The following IDE variants were observed in gnomAD, a reference collection of about 807,000 sequenced individuals.
IDE encodes the protein insulin-degrading enzyme.
Under a neutral mutation model 133.2 loss-of-function variants are expected in IDE, and 58 were observed. That is an observed-to-expected ratio of 0.44 (90% CI 0.35 to 0.54). The LOEUF is 0.54. Among genes scored for constraint, IDE ranks in the 20% least tolerant of loss-of-function variants. The pLI, the probability that IDE is intolerant of heterozygous loss-of-function variation, is 0.00. For synonymous variants in IDE, 396 were observed against 421.3 expected (o/e 0.94, Z 0.73); for missense variants, 981 against 1,234.0 (o/e 0.79, Z 3.07).
In IDE at chr10:92,524,460, ATTT is replaced by A. The variant is rs1344576080; in HGVS notation, c.661+7285_661+7287del. ...ATATAATATATTTTATATATTATAT[ATTT>A]TATATAATATATAATATATATTATA... is the stretch of plus-strand genomic sequence containing the variant. On this transcript the variant is annotated intron_variant, in intron 4 of 24. Coordinates refer to ENST00000265986, the MANE Select transcript of IDE (RefSeq NM_004969.4). Among the ~76,000 whole-genome samples, 5 of 65,908 alleles carry A rather than the reference ATTT, an allele frequency of 7.6e-5. 1 individual carries two copies. The highest frequency in any genetic ancestry group is 3.5e-4 in the African/African-American group (5 of 14,320). The allele number at this position is 65,908 out of a possible 152,430, so 43.2% of individuals were successfully genotyped here. A position where few individuals can be genotyped will look rare whatever the true frequency, so the allele number is the denominator to read the frequency against.
At chr10:92,517,502 G>C (rs1201202391) in intron 4 of IDE, among the ~76,000 whole-genome samples, 2 of 152,092 alleles carry the variant, frequency 1.3e-5, no homozygotes, top group African/African-American at 2.4e-5. Flanking sequence ...CGATCTCCTG[G>C]GCTCAAGCAG....
chr10:92,548,326 T>C (rs1288023545), intron 1 of IDE, among the ~76,000 whole-genome samples: 1 of 116,120 alleles, frequency 8.6e-6, no homozygotes, highest in South Asian at 2.9e-4. Flanking sequence ...GCCACTGCAC[T>C]CCAACCTGGG....
chr10:92,530,098 C>T (rs1241345872), intron 4 of IDE, among the ~76,000 whole-genome samples: 2 of 151,878 alleles, frequency 1.3e-5, no homozygotes, highest in African/African-American at 2.4e-5. Context: ...TGGTGGCGGG[C>T]GCCTGTAATC....
rs568023259 is a variant in IDE at position 92,457,388 on chromosome 10, G to A, written c.2824-957C>T. ...ATGATGATTCTTACTTTAGAGGCAT[G>A]GACTCTAAGACACAGCAGCTTACAT... is the stretch of plus-strand genomic sequence containing the variant. On this transcript the variant is annotated intron_variant, in intron 22 of 24. Transcript: ENST00000265986. 2.8e-4 allele frequency among the ~76,000 whole-genome samples: 42 copies of A among 152,252 alleles called. No individual in the cohort carries two copies. In the South Asian group the frequency reaches 8.3e-3, roughly 30 times the overall value.
intron 1 of IDE, among the ~76,000 whole-genome samples, chr10:92,565,951 T>C (rs563121822): frequency 3.9e-5 from 6 of 152,088 alleles, no homozygotes; most frequent in Admixed American, 3.9e-4. Flanking sequence ...TTACTAGCTG[T>C]GTATCCTTGA....
At chr10:92,540,010 G>C (rs1445114639) in intron 1 of IDE, among the ~76,000 whole-genome samples, 2 of 152,168 alleles carry the variant, frequency 1.3e-5, no homozygotes, top group African/African-American at 2.4e-5. Context: ...GGGAGACTGA[G>C]GCGGGCAGAT....
intron 15 of IDE, 62 bp from the exon 16 acceptor site, chr10:92,476,056 C>T (rs988700384): frequency 1.4e-5 from 10 of 705,906 alleles, no homozygotes; most frequent in South Asian, 7.2e-5. Flanking sequence ...TCCAAATAAA[C>T]GACTTGATTT....
intron 5 of IDE, among the ~76,000 whole-genome samples, chr10:92,514,111 T>C (rs1032323629): frequency 2.6e-5 from 4 of 152,210 alleles, no homozygotes; most frequent in Non-Finnish European, 5.9e-5. Context: ...ATTTGAACTC[T>C]GATTATTTCC....
intron 4 of IDE, among the ~76,000 whole-genome samples, chr10:92,516,015 C>CA: frequency 6.6e-6 from 1 of 150,702 alleles, no homozygotes; most frequent in South Asian, 2.1e-4. Context: ...ACTAAAAATA[C>CA]AAAATTAGCC....
At chr10:92,560,777 C>T (rs7078418) in intron 1 of IDE, among the ~76,000 whole-genome samples, 56,324 of 150,480 alleles carry the variant, frequency 0.37, 11,856 homozygotes, top group East Asian at 0.67. Context: ...AGCGAGACTC[C>T]GTCTCAAAAA....
intron 16 of IDE, among the ~76,000 whole-genome samples, chr10:92,475,352 C>T (rs1052913420): frequency 3.9e-5 from 6 of 152,146 alleles, no homozygotes; most frequent in African/African-American, 1.4e-4. Flanking sequence ...AATATGGAAT[C>T]TTTATTTGAA....
At chr10:92,516,360 G>A (rs958556424) in intron 4 of IDE, among the ~76,000 whole-genome samples, 1 of 151,842 alleles carries the variant, frequency 6.6e-6, no homozygotes, top group Non-Finnish European at 1.5e-5. Flanking sequence ...CAGGCATGGT[G>A]GTGGGCACCT....
intron 1 of IDE, among the ~76,000 whole-genome samples, chr10:92,571,712 C>A (rs1843795485): frequency 6.6e-6 from 1 of 152,196 alleles, no homozygotes; most frequent in Non-Finnish European, 1.5e-5. Context: ...AGAGGTTAGA[C>A]CAGAAAATGA....
chr10:92,546,750 T>C (rs1842549003), intron 1 of IDE, among the ~76,000 whole-genome samples: 1 of 152,224 alleles, frequency 6.6e-6, no homozygotes, highest in Admixed American at 6.5e-5. Flanking sequence ...ATTTGAAAAC[T>C]AGCTTTTAGT....
At chr10:92,462,531 G>A (rs1448708351) in intron 21 of IDE, among the ~76,000 whole-genome samples, 3 of 151,990 alleles carry the variant, frequency 2.0e-5, no homozygotes, top group African/African-American at 4.8e-5. Context: ...GCTTGAACCC[G>A]GGAGGTGGAG....
At chr10:92,561,545 A>T (rs1320919154) in intron 1 of IDE, among the ~76,000 whole-genome samples, 1 of 151,638 alleles carries the variant, frequency 6.6e-6, no homozygotes, top group Non-Finnish European at 1.5e-5. Context: ...TGAGGTCAGG[A>T]GTTCAAGACC....
intron 1 of IDE, among the ~76,000 whole-genome samples, chr10:92,569,005 T>TA (rs1268310711): frequency 3.3e-5 from 5 of 151,640 alleles, no homozygotes; most frequent in East Asian, 1.9e-4. Flanking sequence ...AATAAGAGAG[T>TA]AAAAAAATAA....
intron 4 of IDE, among the ~76,000 whole-genome samples, chr10:92,526,855 A>AT (rs1014865827): frequency 1.3e-5 from 2 of 151,134 alleles, no homozygotes; most frequent in African/African-American, 4.9e-5. Context: ...CAAAAAAAAA[A>AT]AAAAAAAAAA....
chr10:92,485,430 T>C (rs1343249674), intron 13 of IDE, among the ~76,000 whole-genome samples: 3 of 152,178 alleles, frequency 2.0e-5, no homozygotes, highest in African/African-American at 7.2e-5. Context: ...AACTTAAATG[T>C]TGTGGTTTTA....
Sources: allele counts gnomAD v4.1 joint callset (sites outside exome capture counted in the v4.1 genomes callset), GRCh38; gene constraint gnomAD v4.1.1; transcripts MANE v1.5; gene names NCBI Gene and HGNC (gene_info 2026-07-23, HGNC 2026-07-21).